The following CAMTA1 variants were observed in gnomAD, a reference collection of about 807,000 sequenced individuals.
CAMTA1 encodes calmodulin-binding transcription activator 1.
CAMTA1 carries 27 observed loss-of-function variants against 170.9 expected under a neutral mutation model. The ratio of observed to expected loss-of-function variants is 0.16; its 90% CI spans 0.12 to 0.22. The LOEUF is 0.22. Among genes scored for constraint, CAMTA1 ranks in the 10% least tolerant of loss-of-function variants. The pLI, the probability that CAMTA1 is intolerant of heterozygous loss-of-function variation, is 1.00. For missense variants in CAMTA1, 1,619 were observed against 2,217.2 expected (o/e 0.73, Z 5.42); for synonymous variants, 833 against 891.5 (o/e 0.93, Z 1.17).
intron 5 of CAMTA1, among the ~76,000 whole-genome samples, chr1:7,306,388 A>C (rs1315406227): frequency 6.6e-6 from 1 of 151,886 alleles, no homozygotes; most frequent in African/African-American, 2.4e-5. Context: ...TTATTGAAAA[A>C]AAAATCTTCT....
At chr1:7,259,128 C>T (rs1271139550) in intron 5 of CAMTA1, among the ~76,000 whole-genome samples, 1 of 152,094 alleles carries the variant, frequency 6.6e-6, no homozygotes, top group Non-Finnish European at 1.5e-5. Context: ...TCCTTCTGTG[C>T]GGGTGTGTGG....
chr1:7,417,482 G>A (rs996368238), intron 5 of CAMTA1, among the ~76,000 whole-genome samples: 2 of 60,530 alleles, frequency 3.3e-5, no homozygotes, highest in African/African-American at 7.1e-5. Flanking sequence ...AATGGCAGGC[G>A]CCCATCCCCC....
intron 3 of CAMTA1, among the ~76,000 whole-genome samples, chr1:6,912,333 C>T (rs11586867): frequency 0.47 from 71,533 of 152,002 alleles, 17,783 homozygotes; most frequent in Non-Finnish European, 0.56. Flanking sequence ...GCAGTAGCAT[C>T]CCCCTTTGTT....
rs958240703 is a variant in CAMTA1, at chr1:7,580,814, G to C, written c.511-59586G>C. 1.3e-5 allele frequency among the ~76,000 whole-genome samples: 2 copies of C among 152,172 alleles called. No homozygotes were observed. The highest frequency in any genetic ancestry group is 1.3e-4 in the Admixed American group (2 of 15,282). ...CCCCAACCAAGATCTCCTCCAACCC[G>C]TGCCCATCACAAGCCCATCCTTAGA... is the stretch of plus-strand genomic sequence containing the variant. On this transcript the variant is annotated intron_variant, in intron 6 of 22. Coordinates refer to ENST00000303635, the MANE Select transcript of CAMTA1 (RefSeq NM_015215.4). The surrounding 1 kb of genome is among the most constrained non-coding windows in gnomAD (Gnocchi z 4.3).
At chr1:7,739,931 A>G (rs1171451422) in intron 16 of CAMTA1, among the ~76,000 whole-genome samples, 1 of 151,994 alleles carries the variant, frequency 6.6e-6, no homozygotes, top group African/African-American at 2.4e-5. Context: ...GCCAAACCAT[A>G]TCACCTACCG....
rs777793548 is a variant in CAMTA1, at chr1:7,588,367, C to T, written c.511-52033C>T. On this transcript the variant is annotated intron_variant, in intron 6 of 22. Coordinates refer to ENST00000303635, the MANE Select transcript of CAMTA1 (RefSeq NM_015215.4). The surrounding 1 kb of genome is among the most constrained non-coding windows in gnomAD (Gnocchi z 5.8). The stretch of plus-strand genomic sequence containing the variant: ...AGCCCTTTGCTCTGCCACACACAGT[C>T]GGGATGGTCCGGGCGGGGGATGGCC... Among the ~76,000 whole-genome samples the T allele has an allele frequency of 4.0e-5, 6 of 151,050 alleles. No individual in the cohort carries two copies. The highest frequency in any genetic ancestry group is 6.6e-5 in the Admixed American group (1 of 15,256).
At chr1:7,542,808 G>A (rs1301975681) in intron 6 of CAMTA1, among the ~76,000 whole-genome samples, 3 of 151,154 alleles carry the variant, frequency 2.0e-5, no homozygotes, top group Non-Finnish European at 2.9e-5. Context: ...AGGATTACAG[G>A]TGTAAGCCAC....
intron 2 of CAMTA1, among the ~76,000 whole-genome samples, chr1:6,821,396 A>G (rs1419962559): frequency 6.6e-6 from 1 of 152,168 alleles, no homozygotes; most frequent in Non-Finnish European, 1.5e-5. Flanking sequence ...ATATAACAAT[A>G]TATGTTTATG....
intron 3 of CAMTA1, among the ~76,000 whole-genome samples, chr1:7,001,080 G>A (rs572994975): frequency 3.3e-5 from 5 of 152,304 alleles, no homozygotes; most frequent in Admixed American, 6.5e-5. Context: ...GAGTATCGGA[G>A]TAATGGTGAT....
At chr1:7,106,255 GGA>G (rs140851676) in intron 4 of CAMTA1, among the ~76,000 whole-genome samples, 13 of 149,698 alleles carry the variant, frequency 8.7e-5, no homozygotes, top group South Asian at 4.2e-4. Flanking sequence ...AGGGAGGAAG[GGA>G]GAGAGAGAGA....
chr1:6,914,000 T>G (rs1680242527), intron 3 of CAMTA1, among the ~76,000 whole-genome samples: 1 of 152,028 alleles, frequency 6.6e-6, no homozygotes, highest in Non-Finnish European at 1.5e-5. Flanking sequence ...GTACTGCTTT[T>G]GGGACACTGG....
intron 3 of CAMTA1, among the ~76,000 whole-genome samples, chr1:6,957,774 C>G (rs1158856061): frequency 6.6e-6 from 1 of 151,692 alleles, no homozygotes; most frequent in Non-Finnish European, 1.5e-5. Flanking sequence ...GTAGTATATT[C>G]ACAGGTTTTG....
chr1:6,796,304 AT>A (rs1220504925), intron 1 of CAMTA1, among the ~76,000 whole-genome samples: 2 of 151,668 alleles, frequency 1.3e-5, no homozygotes, highest in African/African-American at 4.8e-5. Context: ...TGCCTGGCTA[AT>A]TTTTGTATTT....
At chr1:7,511,733 C>T (rs1452676991) in intron 6 of CAMTA1, among the ~76,000 whole-genome samples, 2 of 152,160 alleles carry the variant, frequency 1.3e-5, no homozygotes, top group Non-Finnish European at 2.9e-5. Context: ...CTGGACCTCC[C>T]CTTTCCCTAG....
intron 5 of CAMTA1, among the ~76,000 whole-genome samples, chr1:7,432,800 G>T (rs1208366863): frequency 6.6e-6 from 1 of 152,228 alleles, no homozygotes; most frequent in Non-Finnish European, 1.5e-5. Context: ...GGGCCCTTCT[G>T]CCTTTCAGCT....
At chr1:7,070,019 C>T (rs968171621) in intron 3 of CAMTA1, among the ~76,000 whole-genome samples, 2 of 152,212 alleles carry the variant, frequency 1.3e-5, no homozygotes, top group African/African-American at 2.4e-5. Flanking sequence ...CGCCCTCCTC[C>T]GCTGGGGATG....
rs2092923642 is a variant in CAMTA1 at position 7,455,261 on chromosome 1, C to T, written c.439-12569C>T. On this transcript the variant is annotated intron_variant, in intron 5 of 22. Transcript: ENST00000303635. This position sits in a 1 kb window ranked among gnomAD's most constrained non-coding sequence, Gnocchi z 5.0. Reference sequence around the variant, plus strand: ...GCGTGTGTGTTTCCGACACTGGCTCCCAGGTGGAAGGCCTGATGCCGCCCT... The same window carrying T: ...GCGTGTGTGTTTCCGACACTGGCTCTCAGGTGGAAGGCCTGATGCCGCCCT... Among the ~76,000 whole-genome samples the T allele has an allele frequency of 6.6e-6, 1 of 152,196 alleles. No homozygotes were observed. Among genetic ancestry groups the T allele is most frequent in the African/African-American group, 2.4e-5 (1 of 41,466 alleles).
At chr1:7,053,493 C>T (rs1188273558) in intron 3 of CAMTA1, among the ~76,000 whole-genome samples, 1 of 152,190 alleles carries the variant, frequency 6.6e-6, no homozygotes, top group East Asian at 1.9e-4. Flanking sequence ...TTAGAATGAG[C>T]GTCAGATCAT....
Position 7,600,905 on chromosome 1 carries a change from A to G in CAMTA1, c.511-39495A>G, listed in dbSNP as rs1434579066. Among the ~76,000 whole-genome samples the G allele has an allele frequency of 2.1e-4, 31 of 151,160 alleles. 3 individuals carry two copies. The highest frequency in any genetic ancestry group is 2.0e-3 in the Admixed American group (31 of 15,174). On this transcript the variant is annotated intron_variant, in intron 6 of 22. Coordinates refer to ENST00000303635, the MANE Select transcript of CAMTA1 (RefSeq NM_015215.4). ...CTCTTTCTACACAGACATGGCAACCATTAGATTTCTCAGTCTTTTCCCCAC... is the reference window on the plus strand; with the variant it reads ...CTCTTTCTACACAGACATGGCAACCGTTAGATTTCTCAGTCTTTTCCCCAC...
Sources: gnomAD v4.1 joint callset for allele counts (sites outside exome capture counted in the v4.1 genomes callset) on GRCh38, gnomAD v4.1.1 for gene constraint, Gnocchi (gnomAD v3.1) non-coding constraint, MANE v1.5 for transcripts, NCBI Gene and HGNC (gene_info 2026-07-23, HGNC 2026-07-21) for gene names.